DCAKD: variants seen among roughly 807,000 people sequenced by gnomAD.
DCAKD encodes the protein dephospho-CoA kinase domain containing, also known as dephospho-CoA kinase domain-containing protein.
A neutral mutation model predicts 18.7 loss-of-function variants in DCAKD; 15 were observed. The ratio of observed to expected loss-of-function variants is 0.80; its 90% CI spans 0.54 to 1.24. The LOEUF is 1.24. Among genes scored for constraint, DCAKD ranks in the 50% most tolerant of loss-of-function variants. The pLI is 0.00. For missense variants in DCAKD, 301 were observed against 322.0 expected (o/e 0.93, Z 0.50); for synonymous variants, 130 against 133.0 (o/e 0.98, Z 0.16).
rs934188176 is a variant in DCAKD at position 45,023,932 on chromosome 17, G to C, written c.*501C>G. On this transcript the variant is annotated 3_prime_UTR_variant, in exon 5 of 5. Transcript: ENST00000651974. Reference sequence around the variant, plus strand: ...CAGTATAAAAAATATCTCAACCTAGGGGAGGGCCTTGTTGACTGTTTGAAC... The same window carrying C: ...CAGTATAAAAAATATCTCAACCTAGCGGAGGGCCTTGTTGACTGTTTGAAC... 1 of 153,318 alleles carries C rather than the reference G, an allele frequency of 6.5e-6. No individual in the cohort carries two copies. Among genetic ancestry groups the C allele is most frequent in the African/African-American group, 2.4e-5 (1 of 41,450 alleles). 9.5% of individuals were successfully genotyped at this position (153,318 alleles called of 1,614,324 possible). A position where few individuals can be genotyped will look rare whatever the true frequency, so the allele number is the denominator to read the frequency against.
exon 1 of DCAKD, chr17:45,061,078 G>A: frequency 7.8e-7 from 1 of 1,282,102 alleles, no homozygotes; most frequent in Non-Finnish European, 9.9e-7. Context: ...CACCAACCTT[G>A]CGCCCCTTCT....
intron 1 of DCAKD, among the ~76,000 whole-genome samples, chr17:45,059,025 G>T (rs978209605): frequency 1.8e-4 from 27 of 152,238 alleles, no homozygotes; most frequent in Admixed American, 1.4e-3. Flanking sequence ...CAGATCACGA[G>T]GTCAGGAGAT....
chr17:45,034,742 G>A, intron 2 of DCAKD, 32 bp downstream of exon 2: 2 of 1,601,932 alleles, frequency 1.2e-6, no homozygotes. Flanking sequence ...GAGCTGCTGT[G>A]CACGGCCCCC....
chr17:45,033,829 G>C, intron 3 of DCAKD: 1 of 1,190,888 alleles, frequency 8.4e-7, no homozygotes, highest in South Asian at 1.6e-5. Context: ...ATCACTCAAT[G>C]AAGTCACACA....
chr17:45,023,588 G>C lies in DCAKD; in HGVS notation c.*845C>G, dbSNP rs2052986366. On this transcript the variant is annotated 3_prime_UTR_variant, in exon 5 of 5. Coordinates refer to ENST00000651974, the MANE Select transcript of DCAKD (RefSeq NM_001288655.2). ...GGGCTTTAGACAGTGCCTGAACTGA[G>C]AGCTAGTTGTAGGTTAAAAAAAAAA... The C allele has an allele frequency of 8.2e-6, 1 of 122,038 alleles. No homozygotes were observed. The highest frequency in any genetic ancestry group is 1.0e-4 in the Admixed American group (1 of 9,856). The allele number at this position is 122,038 out of a possible 1,614,324, so 7.6% of individuals were successfully genotyped here.
upstream of DCAKD, among the ~76,000 whole-genome samples, chr17:45,052,230 G>C (rs538418694): frequency 6.6e-6 from 1 of 152,258 alleles, no homozygotes; most frequent in Admixed American, 6.5e-5. Flanking sequence ...GGGAGAGAGA[G>C]GAGAGGGGCA....
chr17:45,051,662 G>A (rs2053700984), upstream of DCAKD: 1 of 148,442 alleles, frequency 6.7e-6, no homozygotes, highest in Non-Finnish European at 1.5e-5. Flanking sequence ...CCTGCAGACC[G>A]GACGTCCGGC....
chr17:45,054,210 G>A (rs2053756246), upstream of DCAKD: 4 of 504,556 alleles, frequency 7.9e-6, no homozygotes, highest in Non-Finnish European at 1.6e-5. Flanking sequence ...ACATGTACAT[G>A]TCCCATGTTG....
chr17:45,038,415 G>A (rs1433949461), intron 1 of DCAKD, among the ~76,000 whole-genome samples: 1 of 152,134 alleles, frequency 6.6e-6, no homozygotes, highest in African/African-American at 2.4e-5. Flanking sequence ...GAAGGGAGGG[G>A]ACTTCCCACC....
intron 1 of DCAKD, among the ~76,000 whole-genome samples, 176 bp downstream of exon 1, chr17:45,051,185 C>T (rs2053686428): frequency 6.6e-6 from 1 of 152,204 alleles, no homozygotes; most frequent in Non-Finnish European, 1.5e-5. Context: ...ATCAATCGGC[C>T]CGCAAAGTTC....
rs192506669 is a variant in DCAKD, at chr17:45,048,666, C to T, written c.-115+2695G>A. ...AAAAACAAAACAAAAATTAGCCAGG[C>T]GTGGTGGCATGCACCTGTAATCCCA... On this transcript the variant is annotated intron_variant, in intron 1 of 4. Coordinates refer to ENST00000651974, the MANE Select transcript of DCAKD (RefSeq NM_001288655.2). Among the ~76,000 whole-genome samples the T allele has an allele frequency of 3.3e-5, 5 of 150,310 alleles. No individual in the cohort carries two copies. The East Asian group carries it at 7.9e-4, about 24-fold the overall frequency.
At chr17:45,052,115 G>A (rs112113893), upstream of DCAKD, among the ~76,000 whole-genome samples, 1 of 151,356 alleles carries the variant, frequency 6.6e-6, no homozygotes, top group South Asian at 2.1e-4. Context: ...ACGGACGCGG[G>A]AGAGGCCGGC....
intron 4 of DCAKD, among the ~76,000 whole-genome samples, chr17:45,024,987 G>C (rs571020851): frequency 6.6e-6 from 1 of 151,506 alleles, no homozygotes; most frequent in Non-Finnish European, 1.5e-5. Context: ...ATACAAACAA[G>C]GGGGGAACTT....
intron 1 of DCAKD, among the ~76,000 whole-genome samples, chr17:45,043,849 C>T (rs182889137): frequency 2.6e-5 from 4 of 152,130 alleles, no homozygotes; most frequent in East Asian, 1.9e-4. Context: ...CCAAAAGCCT[C>T]GGAATCCTCC....
At chr17:45,039,142 G>T (rs2053371885) in intron 1 of DCAKD, among the ~76,000 whole-genome samples, 1 of 152,180 alleles carries the variant, frequency 6.6e-6, no homozygotes, top group South Asian at 2.1e-4. Flanking sequence ...ATCTGCCAGG[G>T]AGGAAGTTGC....
intron 1 of DCAKD, among the ~76,000 whole-genome samples, chr17:45,046,990 G>A (rs1400422516): frequency 6.6e-6 from 1 of 152,148 alleles, no homozygotes; most frequent in African/African-American, 2.4e-5. Flanking sequence ...CCTTGCATGA[G>A]TCAGGTGGTT....
At chr17:45,032,058 C>T in intron 3 of DCAKD, 11 of 985,306 alleles carry the variant, frequency 1.1e-5, no homozygotes, top group Non-Finnish European at 1.3e-5. Context: ...GTGACATTAT[C>T]CGATGTTTAA....
chr17:45,030,256 C>A, intron 3 of DCAKD, 77 bp from the exon 4 acceptor site: 2 of 1,356,914 alleles, frequency 1.5e-6, no homozygotes, highest in Non-Finnish European at 2.1e-6. Context: ...TGGGCCCCAC[C>A]GTCCAGAGCG....
At chr17:45,060,689 G>A (rs1393346172) in intron 1 of DCAKD, among the ~76,000 whole-genome samples, 1 of 152,188 alleles carries the variant, frequency 6.6e-6, no homozygotes, top group Non-Finnish European at 1.5e-5. Context: ...CTGGCTTAGG[G>A]TCAGTGCTTC....
Sources: allele counts gnomAD v4.1 joint callset (sites outside exome capture counted in the v4.1 genomes callset), GRCh38; gene constraint gnomAD v4.1.1; transcripts MANE v1.5; gene names NCBI Gene and HGNC (gene_info 2026-07-23, HGNC 2026-07-21).